RNF150: variants seen among roughly 807,000 people sequenced by gnomAD.
The protein encoded by RNF150 is ring finger protein 150.
In RNF150, 24 loss-of-function variants were observed where a neutral mutation model predicts 39.3. The ratio of observed to expected loss-of-function variants is 0.61; its 90% CI spans 0.44 to 0.86. The LOEUF is 0.86. Ranked by LOEUF, RNF150 falls within the 40% of genes least tolerant of loss-of-function variation. RNF150 has a pLI of 0.00. For synonymous variants in RNF150, 255 were observed against 227.3 expected (o/e 1.12, Z -1.10); for missense variants, 502 against 587.8 (o/e 0.85, Z 1.51).
At chr4:141,003,323 C>T (rs1314587130) in intron 1 of RNF150, among the ~76,000 whole-genome samples, 1 of 152,146 alleles carries the variant, frequency 6.6e-6, no homozygotes, top group African/African-American at 2.4e-5. Flanking sequence ...AGGAGACTAA[C>T]TTAGGCAGTG....
chr4:140,883,664 C>G (rs1729456414), intron 6 of RNF150, among the ~76,000 whole-genome samples: 2 of 152,088 alleles, frequency 1.3e-5, no homozygotes, highest in Non-Finnish European at 2.9e-5. Flanking sequence ...ATGTAAGCTC[C>G]CTTGTGTGTG....
At chr4:141,052,635 C>T (rs1736821100) in intron 1 of RNF150, among the ~76,000 whole-genome samples, 1 of 152,174 alleles carries the variant, frequency 6.6e-6, no homozygotes, top group Admixed American at 6.5e-5. Context: ...CTTGGCCTCC[C>T]AAAGTGCTGG....
Position 141,066,027 on chromosome 4 carries a change from C to T in RNF150, c.484+66298G>A, listed in dbSNP as rs370274041. ...TCTGTGCATGGGTGGTTCACATCCC[C>T]GGACCTTTCATTCTACTTGTCTTCT... On this transcript the variant is annotated intron_variant, in intron 1 of 6. Transcript: ENST00000515673. Among the ~76,000 whole-genome samples, 15 of 152,048 alleles carry T rather than the reference C, an allele frequency of 9.9e-5. No individual in the cohort carries two copies. In the East Asian group the frequency reaches 2.1e-3, roughly 22 times the overall value.
intron 1 of RNF150, among the ~76,000 whole-genome samples, chr4:141,053,164 G>A (rs779835112): frequency 6.6e-6 from 1 of 152,116 alleles, no homozygotes; most frequent in Non-Finnish European, 1.5e-5. Flanking sequence ...TAAGCACTTG[G>A]CATCTCTCCA....
chr4:141,081,708 C>T lies in RNF150; in HGVS notation c.484+50617G>A, dbSNP rs1167931858. On this transcript the variant is annotated intron_variant, in intron 1 of 6. Coordinates refer to ENST00000515673, the MANE Select transcript of RNF150 (RefSeq NM_020724.2). ...ATTCTTTAATGTGTGTATGTAAGTA[C>T]GCGTGTGTGTACCTACTTAGAGAAT... 2.0e-5 allele frequency among the ~76,000 whole-genome samples: 3 copies of T among 152,174 alleles called. No individual in the cohort carries two copies. In the South Asian group the frequency reaches 6.2e-4, roughly 31 times the overall value.
chr4:141,108,181 G>C (rs926609625), intron 1 of RNF150, among the ~76,000 whole-genome samples: 1 of 152,158 alleles, frequency 6.6e-6, no homozygotes, highest in African/African-American at 2.4e-5. Context: ...AGACTTAGAG[G>C]AGCACATTTC....
chr4:141,134,328 G>A (rs529566032), upstream of RNF150, among the ~76,000 whole-genome samples: 8 of 152,168 alleles, frequency 5.3e-5, no homozygotes, highest in South Asian at 1.5e-3. Flanking sequence ...ACGTTTTGGT[G>A]GTGGATATCC....
intron 6 of RNF150, among the ~76,000 whole-genome samples, chr4:140,902,776 A>G (rs994381301): frequency 7.2e-5 from 11 of 152,222 alleles, no homozygotes; most frequent in Non-Finnish European, 1.5e-4. Context: ...TAGGAATCCC[A>G]GAAGGAGATC....
chr4:141,088,269 C>T (rs13116823), intron 1 of RNF150, among the ~76,000 whole-genome samples: 33,318 of 152,104 alleles, frequency 0.22, 4,119 homozygotes, highest in East Asian at 0.53. Flanking sequence ...TGTCCTGAAA[C>T]TCATCTGAGC....
At chr4:140,890,828 C>G (rs959032991) in intron 6 of RNF150, among the ~76,000 whole-genome samples, 1 of 152,192 alleles carries the variant, frequency 6.6e-6, no homozygotes, top group African/African-American at 2.4e-5. Flanking sequence ...TGTTAGTTTC[C>G]TTTTCCCTGC....
rs576631942 is a variant in RNF150 at position 140,945,338 on chromosome 4, G to A, written c.890+2316C>T. On this transcript the variant is annotated intron_variant, in intron 4 of 6. Coordinates refer to ENST00000515673, the MANE Select transcript of RNF150 (RefSeq NM_020724.2). ...TCCAAAAAATTACAATATAAAAGGA[G>A]ATCTGGAATAACACATCATGAAAGT... 3.3e-5 allele frequency among the ~76,000 whole-genome samples: 5 copies of A among 151,960 alleles called. No homozygotes were observed. In the South Asian group the frequency reaches 1.0e-3, roughly 32 times the overall value.
upstream of RNF150, among the ~76,000 whole-genome samples, chr4:141,136,384 G>T (rs1727027694): frequency 3.9e-5 from 6 of 152,048 alleles, no homozygotes; most frequent in South Asian, 1.2e-3. Flanking sequence ...ATGACATATT[G>T]GTTTCCACTA....
intron 4 of RNF150, among the ~76,000 whole-genome samples, chr4:140,945,887 G>A (rs1732289890): frequency 6.6e-6 from 1 of 151,922 alleles, no homozygotes; most frequent in South Asian, 2.1e-4. Flanking sequence ...ATAAAGGAAA[G>A]CACTTTGCTT....
chr4:141,092,774 G>T (rs1738635063), intron 1 of RNF150, among the ~76,000 whole-genome samples: 1 of 151,608 alleles, frequency 6.6e-6, no homozygotes, highest in South Asian at 2.1e-4. Context: ...AAGAATAAAA[G>T]CATACCTATT....
chr4:140,916,281 A>C (rs113096281), intron 5 of RNF150, among the ~76,000 whole-genome samples: 83,388 of 151,560 alleles, frequency 0.55, 23,382 homozygotes, highest in East Asian at 0.89. Context: ...AATGGCAAAG[A>C]AGTTAAAAAC....
intron 4 of RNF150, among the ~76,000 whole-genome samples, chr4:140,929,001 T>C (rs1731508980): frequency 6.6e-6 from 1 of 152,154 alleles, no homozygotes; most frequent in Non-Finnish European, 1.5e-5. Context: ...CAACCCCAGT[T>C]CTTGGCACAC....
chr4:141,074,519 G>C (rs1257294091), intron 1 of RNF150, among the ~76,000 whole-genome samples: 1 of 152,036 alleles, frequency 6.6e-6, no homozygotes, highest in Non-Finnish European at 1.5e-5. Context: ...GGCAACCTAG[G>C]GATTAGCATC....
intron 6 of RNF150, among the ~76,000 whole-genome samples, chr4:140,909,045 A>C (rs1730494862): frequency 6.6e-6 from 1 of 152,184 alleles, no homozygotes; most frequent in Non-Finnish European, 1.5e-5. Context: ...TATTTCACTA[A>C]GGTCACTTAT....
chr4:141,199,135 A>T (rs1027927992), intron 1 of RNF150, among the ~76,000 whole-genome samples: 5 of 152,192 alleles, frequency 3.3e-5, no homozygotes, highest in African/African-American at 1.2e-4. Flanking sequence ...CAACATAATT[A>T]ATCATTTAGA....
Sources: gnomAD v4.1 joint callset for allele counts (sites outside exome capture counted in the v4.1 genomes callset) on GRCh38, gnomAD v4.1.1 for gene constraint, MANE v1.5 for transcripts, NCBI Gene and HGNC (gene_info 2026-07-23, HGNC 2026-07-21) for gene names.